The following LRRIQ3 variants were observed in gnomAD, a reference collection of about 807,000 sequenced individuals.
The protein encoded by LRRIQ3 is leucine rich repeats and IQ motif containing 3, also known as leucine-rich repeat and IQ domain-containing protein 3.
Under a neutral mutation model 59.3 loss-of-function variants are expected in LRRIQ3, and 75 were observed. That is an observed-to-expected ratio of 1.26 (90% CI 1.05 to 1.53). LRRIQ3 has a LOEUF of 1.53. Among genes scored for constraint, LRRIQ3 ranks in the 40% most tolerant of loss-of-function variants. The pLI is 0.00. For synonymous variants in LRRIQ3, 250 were observed against 231.3 expected, an observed-to-expected ratio of 1.08 and a Z score of -0.73; for missense variants, 831 against 710.0, an observed-to-expected ratio of 1.17 and a Z score of -1.94.
At chr1:74,129,640 C>T (rs1028255513) in intron 4 of LRRIQ3, among the ~76,000 whole-genome samples, 2 of 151,868 alleles carry the variant, frequency 1.3e-5, no homozygotes, top group South Asian at 2.1e-4. Flanking sequence ...CATTTTTCCT[C>T]GAGAAGAAGG....
At chr1:74,132,658 C>T (rs1302109857) in intron 4 of LRRIQ3, among the ~76,000 whole-genome samples, 1 of 152,150 alleles carries the variant, frequency 6.6e-6, no homozygotes, top group Non-Finnish European at 1.5e-5. Flanking sequence ...ACTGGCTAGC[C>T]ATATGTAGAA....
At chr1:74,080,094 A>C (rs1484229083) in intron 5 of LRRIQ3, among the ~76,000 whole-genome samples, 1 of 151,758 alleles carries the variant, frequency 6.6e-6, no homozygotes, top group Non-Finnish European at 1.5e-5. Flanking sequence ...CATAAACATA[A>C]ACATGTGGTA....
chr1:74,147,533 A>G (rs6673549), intron 4 of LRRIQ3, among the ~76,000 whole-genome samples: 128,647 of 152,072 alleles, frequency 0.85, 55,385 homozygotes, highest in East Asian at 0.97. Context: ...ATCATTTCAG[A>G]AGAGCTTTCC....
rs747206865 is a variant in LRRIQ3 at position 74,183,609 on chromosome 1, C to T, written c.76G>A (p.Gly26Ser). Residue 26 changes from glycine (G) to serine (S), a missense_variant, in exon 2 of 8, where the codon GGT (glycine) becomes AGT (serine). Coordinates refer to ENST00000354431, the MANE Select transcript of LRRIQ3 (RefSeq NM_001105659.2). ...WSHYNENIRE[G>S]QKDFVFVKFN... is the part of the protein sequence containing the mutation. Reference sequence around the variant, plus strand: ...TTCACAAAAACAAAATCTTTTTGACCTTCTCTTATGTTTTCATTATAGTGA... The same window carrying T: ...TTCACAAAAACAAAATCTTTTTGACTTTCTCTTATGTTTTCATTATAGTGA... The T allele has an allele frequency of 6.2e-7, 1 of 1,611,812 alleles. No individual in the cohort carries two copies. Among genetic ancestry groups the T allele is most frequent in the Non-Finnish European group, 8.5e-7 (1 of 1,178,700 alleles).
intron 7 of LRRIQ3, among the ~76,000 whole-genome samples, chr1:74,032,425 A>T (rs1394592056): frequency 6.6e-6 from 1 of 152,062 alleles, no homozygotes; most frequent in Non-Finnish European, 1.5e-5. Context: ...CACAAGGCTG[A>T]AATCAAGGTG....
At chr1:74,034,937 C>T (rs747806434) in intron 7 of LRRIQ3, among the ~76,000 whole-genome samples, 37 of 151,860 alleles carry the variant, frequency 2.4e-4, no homozygotes, top group Non-Finnish European at 4.1e-4. Context: ...CATAATTTGG[C>T]CATTTGAAAT....
intron 1 of LRRIQ3, among the ~76,000 whole-genome samples, chr1:74,192,773 T>C (rs1188727766): frequency 6.6e-6 from 1 of 152,148 alleles, no homozygotes; most frequent in Admixed American, 6.6e-5. Flanking sequence ...AAAAAACTAG[T>C]ATTCTATATT....
At chr1:74,168,276 C>T (rs1649115214) in intron 3 of LRRIQ3, among the ~76,000 whole-genome samples, 1 of 151,912 alleles carries the variant, frequency 6.6e-6, no homozygotes. Context: ...TTTAATGCAT[C>T]CCCATTTAGA....
chr1:74,071,952 A>C (rs1285218475), intron 6 of LRRIQ3, among the ~76,000 whole-genome samples: 1 of 152,114 alleles, frequency 6.6e-6, no homozygotes, highest in Non-Finnish European at 1.5e-5. Context: ...CCCATATGGG[A>C]TTTGTAATAC....
chr1:74,059,529 G>T (rs902544274), intron 6 of LRRIQ3, among the ~76,000 whole-genome samples: 2 of 152,016 alleles, frequency 1.3e-5, no homozygotes, highest in Non-Finnish European at 2.9e-5. Flanking sequence ...TGGCACACTT[G>T]TCAAAAAGTT....
At chr1:74,047,285 C>T (rs950569850) in intron 6 of LRRIQ3, among the ~76,000 whole-genome samples, 1 of 152,096 alleles carries the variant, frequency 6.6e-6, no homozygotes, top group African/African-American at 2.4e-5. Flanking sequence ...AGTTCATATT[C>T]TTTGTGGGGA....
chr1:74,066,007 T>C (rs1342959479), intron 6 of LRRIQ3, among the ~76,000 whole-genome samples: 4 of 151,884 alleles, frequency 2.6e-5, no homozygotes, highest in African/African-American at 7.3e-5. Flanking sequence ...ACCAACATAG[T>C]GAAACCCCAT....
chr1:74,076,798 A>G (rs1646215075), intron 5 of LRRIQ3, among the ~76,000 whole-genome samples: 1 of 152,120 alleles, frequency 6.6e-6, no homozygotes, highest in Non-Finnish European at 1.5e-5. Flanking sequence ...GTTAAGTATC[A>G]TCTGTTCCTG....
At chr1:74,137,019 T>C (rs185281355) in intron 4 of LRRIQ3, among the ~76,000 whole-genome samples, 35 of 152,076 alleles carry the variant, frequency 2.3e-4, no homozygotes, top group African/African-American at 7.9e-4. Flanking sequence ...TTTTTGTCTA[T>C]TTCTTGCATT....
intron 4 of LRRIQ3, among the ~76,000 whole-genome samples, chr1:74,132,397 G>A (rs889566897): frequency 1.1e-4 from 16 of 152,174 alleles, no homozygotes; most frequent in Non-Finnish European, 1.9e-4. Context: ...AAATGAGCCC[G>A]CATTGCCAAG....
intron 3 of LRRIQ3, among the ~76,000 whole-genome samples, chr1:74,158,134 AT>A (rs1241674026): frequency 6.6e-6 from 1 of 151,604 alleles, no homozygotes; most frequent in Non-Finnish European, 1.5e-5. Flanking sequence ...TTTTTCTTCT[AT>A]TTTCTGCCAT....
At chr1:74,069,323 C>T (rs1231731210) in intron 6 of LRRIQ3, among the ~76,000 whole-genome samples, 1 of 151,918 alleles carries the variant, frequency 6.6e-6, no homozygotes, top group Non-Finnish European at 1.5e-5. Flanking sequence ...GTTTCAATTT[C>T]AGTCTTGTAT....
chr1:74,036,033 G>C (rs1164811625), intron 7 of LRRIQ3, among the ~76,000 whole-genome samples: 4 of 152,106 alleles, frequency 2.6e-5, no homozygotes, highest in African/African-American at 9.7e-5. Flanking sequence ...AGAGGATCAA[G>C]AATATCTTAT....
At chr1:74,138,398 C>T (rs1174349556) in intron 4 of LRRIQ3, 3 of 819,790 alleles carry the variant, frequency 3.7e-6, no homozygotes, top group Non-Finnish European at 4.4e-6. Context: ...AATGCCCAGA[C>T]TGTCTCCAAA....
Sources: allele counts gnomAD v4.1 joint callset (sites outside exome capture counted in the v4.1 genomes callset), GRCh38; gene constraint gnomAD v4.1.1; transcripts MANE v1.5; gene names NCBI Gene and HGNC (gene_info 2026-07-23, HGNC 2026-07-21).